The following TMOD4 variants were observed in gnomAD, a reference collection of about 807,000 sequenced individuals.
The protein encoded by TMOD4 is tropomodulin-4.
A neutral mutation model predicts 45.4 loss-of-function variants in TMOD4; 34 were observed. The observed-to-expected ratio is 0.75, with a 90% CI of 0.57 to 1.00. The LOEUF (loss-of-function observed/expected upper bound fraction) is 1.00. Among genes scored for constraint, TMOD4 ranks in the 50% least tolerant of loss-of-function variants. TMOD4 has a pLI of 0.00. For synonymous variants in TMOD4, 131 were observed against 153.9 expected, an observed-to-expected ratio of 0.85 and a Z score of 1.10; for missense variants, 399 against 437.5, an observed-to-expected ratio of 0.91 and a Z score of 0.78.
At chr1:151,173,057 G>A (rs899361298) in intron 4 of TMOD4, among the ~76,000 whole-genome samples, 41 of 152,176 alleles carry the variant, frequency 2.7e-4, no homozygotes, top group Middle Eastern at 3.4e-3. Flanking sequence ...TCCTGACCTC[G>A]TGATCCACCC....
chr1:151,170,666 G>T lies in TMOD4; in HGVS notation c.871-3C>A. 1 of 1,613,844 alleles carries T rather than the reference G, an allele frequency of 6.2e-7. No homozygotes were observed. Among genetic ancestry groups the T allele is most frequent in the Non-Finnish European group, 8.5e-7 (1 of 1,179,936 alleles). On this transcript the variant is annotated splice_polypyrimidine_tract_variant and splice_region_variant and intron_variant, in intron 8 of 9. Coordinates refer to ENST00000295314, the MANE Select transcript of TMOD4 (RefSeq NM_013353.3). ...ACTGCATCACCAGGCCACTGGCGCT[G>T]GGGGAGGGAGAGGCAAAAGCTGACA...
At chr1:151,170,854 A>G in intron 8 of TMOD4, 66 bp downstream of exon 8, 1 of 1,579,176 alleles carries the variant, frequency 6.3e-7, no homozygotes, top group African/African-American at 1.3e-5. Flanking sequence ...TAGCTGCCCC[A>G]CTGGCTGGCT....
chr1:151,174,022 T>C (rs1037029706), intron 3 of TMOD4, among the ~76,000 whole-genome samples: 1 of 152,084 alleles, frequency 6.6e-6, no homozygotes, highest in Admixed American at 6.6e-5. Flanking sequence ...GAGACCATCC[T>C]GGCTAACACA....
At chr1:151,173,644 T>G (rs1453472994) in intron 3 of TMOD4, 29 bp from the exon 4 acceptor site, 1 of 1,561,910 alleles carries the variant, frequency 6.4e-7, no homozygotes, top group South Asian at 1.1e-5. Context: ...ATGGCTCAGG[T>G]AGAGGTAATT....
At chr1:151,170,868 G>A (rs367565591) in intron 8 of TMOD4, 52 bp downstream of exon 8, 19 of 1,596,498 alleles carry the variant, frequency 1.2e-5, no homozygotes, top group Middle Eastern at 3.7e-4. Context: ...GCTGGCTCAG[G>A]GAGGAGACTC....
rs1684048826 is a variant in TMOD4, at chr1:151,174,550, T to C, written c.124-3A>G. On this transcript the variant is annotated splice_region_variant and splice_polypyrimidine_tract_variant and intron_variant, in intron 2 of 9. Coordinates refer to ENST00000295314, the MANE Select transcript of TMOD4 (RefSeq NM_013353.3). ...AGTCCAGCTGGCAGGAGCATGTTCT[T>C]AGGGATGAGTTTTGGGGAGCAAGTC... The C allele has an allele frequency of 1.2e-6, 2 of 1,613,598 alleles. No homozygotes were observed. Among genetic ancestry groups the C allele is most frequent in the Non-Finnish European group, 1.7e-6 (2 of 1,179,982 alleles).
At chr1:151,171,784 G>T (rs1439182695) in intron 5 of TMOD4, 21 bp from the exon 6 acceptor site, 1 of 1,610,482 alleles carries the variant, frequency 6.2e-7, no homozygotes, top group East Asian at 2.2e-5. Context: ...AGGGCAGGAA[G>T]GGAACCCCAA....
Position 151,170,657 on chromosome 1 carries a change from A to C in TMOD4, c.877T>G (p.Trp293Gly), listed in dbSNP as rs755044800. The change falls in exon 9 of 10, where the codon TGG becomes GGG. Residue 293 changes from tryptophan to glycine, a missense_variant. By Grantham distance (184) the Trp-to-Gly change is radical (BLOSUM62 -2). Coordinates refer to ENST00000295314, the MANE Select transcript of TMOD4 (RefSeq NM_013353.3). ...TELRVDNQRQ[W>G]PGDAVEMEMA... ...TCCATCTCCACTGCATCACCAGGCC[A>C]CTGGCGCTGGGGGAGGGAGAGGCAA... is the stretch of plus-strand genomic sequence containing the variant. 3 of 1,614,060 alleles carry C rather than the reference A, an allele frequency of 1.9e-6. No homozygotes were observed. In the Admixed American group the frequency reaches 5.0e-5, roughly 27 times the overall value.
chr1:151,173,004 G>T (rs1195616063), intron 4 of TMOD4, among the ~76,000 whole-genome samples: 1 of 152,088 alleles, frequency 6.6e-6, no homozygotes, highest in East Asian at 1.9e-4. Context: ...TGTATTTTTA[G>T]TAGTGACGGG....
chr1:151,173,937 C>T (rs1029134938), intron 3 of TMOD4, among the ~76,000 whole-genome samples: 13 of 151,450 alleles, frequency 8.6e-5, no homozygotes, highest in Non-Finnish European at 1.5e-4. Context: ...AATTAGCGGC[C>T]GGGCACGGTG....
chr1:151,172,340 T>C lies in TMOD4; in HGVS notation c.415A>G (p.Thr139Ala). ...CDIAAILDMY[T>A]LMSNKQYYDA... ...TAGTATTGCTTGTTACTCATCAGTG[T>C]GTACATGTCCAGAATTGCTGGAGAG... Residue 139 changes from threonine (T) to alanine (A), a missense_variant, in exon 5 of 10, where the codon ACA becomes GCA. Physicochemically the swap from Thr to Ala is moderately conservative, Grantham distance 58 (BLOSUM62 0). Transcript: ENST00000295314. 6.2e-7 allele frequency: 1 copy of C among 1,613,610 alleles called. No individual in the cohort carries two copies. Among genetic ancestry groups the C allele is most frequent in the Non-Finnish European group, 8.5e-7 (1 of 1,179,624 alleles).
chr1:151,174,025 C>G (rs1022177878), intron 3 of TMOD4, among the ~76,000 whole-genome samples: 3 of 152,072 alleles, frequency 2.0e-5, no homozygotes, highest in Non-Finnish European at 4.4e-5. Context: ...ACCATCCTGG[C>G]TAACACAGTG....
chr1:151,170,312 G>T, intron 9 of TMOD4: 2 of 840,480 alleles, frequency 2.4e-6, no homozygotes, highest in Non-Finnish European at 3.8e-6. Flanking sequence ...ATTATCTCTG[G>T]CATCCTTTCT....
rs777353961 is a variant in TMOD4, at chr1:151,170,554, C to T, written c.980G>A (p.Arg327Gln). 1.4e-5 allele frequency: 22 copies of T among 1,614,198 alleles called. No individual in the cohort carries two copies. The highest frequency in any genetic ancestry group is 6.7e-5 in the East Asian group (3 of 44,888). The change falls in exon 9 of 10, where the codon CGG (arginine) becomes CAG (glutamine). Residue 327 changes from arginine (R) to glutamine (Q), a missense_variant. Physicochemically the swap from Arg to Gln is conservative, Grantham distance 43. Coordinates refer to ENST00000295314, the MANE Select transcript of TMOD4 (RefSeq NM_013353.3). Reference sequence around the variant, plus strand: ...GTTTCGGGTCATGGCCTGGGCTGCCCGAGCTCGTGGCCCCTGCTGTGTAAA... The same window carrying T: ...GTTTCGGGTCATGGCCTGGGCTGCCTGAGCTCGTGGCCCCTGCTGTGTAAA... ...YHFTQQGPRA[R>Q]AAQAMTRNNE...
intron 3 of TMOD4, 141 bp downstream of exon 3, chr1:151,174,250 A>C (rs1684038512): frequency 1.2e-6 from 1 of 846,102 alleles, no homozygotes; most frequent in East Asian, 2.4e-5. Flanking sequence ...TGAAGAGTGC[A>C]AGCTCGCATT....
intron 4 of TMOD4, among the ~76,000 whole-genome samples, chr1:151,172,967 G>A (rs958081524): frequency 2.0e-5 from 3 of 152,040 alleles, no homozygotes; most frequent in Non-Finnish European, 2.9e-5. Flanking sequence ...GACTACAGGC[G>A]CCCACCACCA....
chr1:151,174,853 A>T lies in TMOD4; in HGVS notation c.23T>A (p.Leu8Gln). The change falls in exon 2 of 10, where the codon CTG becomes CAG. Residue 8 changes from leucine (L) to glutamine (Q), a missense_variant. Physicochemically the swap from Leu to Gln is moderately radical, Grantham distance 113. Transcript: ENST00000295314. ...TTCATCTATGTCTCTGTATTTCTCC[A>T]GTTCCTTCTGATATGATGACATGGT... is the stretch of plus-strand genomic sequence containing the variant. MSSYQKE[L>Q]EKYRDIDEDE... 1 of 1,614,142 alleles carries T rather than the reference A, an allele frequency of 6.2e-7. No individual in the cohort carries two copies. Among genetic ancestry groups the T allele is most frequent in the Non-Finnish European group, 8.5e-7 (1 of 1,180,012 alleles).
At chr1:151,170,800 C>G (rs1183337963) in intron 8 of TMOD4, 120 bp downstream of exon 8, 17 of 1,517,798 alleles carry the variant, frequency 1.1e-5, no homozygotes, top group Non-Finnish European at 1.5e-5. Context: ...TGGCTTCCCT[C>G]ACAGAGACAA....
At chr1:151,174,262 A>T in intron 3 of TMOD4, 129 bp downstream of exon 3, 1 of 928,762 alleles carries the variant, frequency 1.1e-6, no homozygotes, top group Non-Finnish European at 1.7e-6. Flanking sequence ...GCTCGCATTT[A>T]AGTGTCAGGG....
Sources: gnomAD v4.1 joint callset for allele counts (sites outside exome capture counted in the v4.1 genomes callset) on GRCh38, gnomAD v4.1.1 for gene constraint, MANE v1.5 for transcripts, NCBI Gene and HGNC (gene_info 2026-07-23, HGNC 2026-07-21) for gene names.